The following EPHA3 variants were observed in gnomAD, a reference collection of about 807,000 sequenced individuals.
EPHA3 encodes EPH receptor A3, also known as ephrin type-A receptor 3.
EPHA3 carries 42 observed loss-of-function variants against 107.1 expected under a neutral mutation model. The ratio of observed to expected loss-of-function variants is 0.39; its 90% CI spans 0.31 to 0.51. The LOEUF (loss-of-function observed/expected upper bound fraction) is 0.51, where lower values mean the gene tolerates loss of function less well. EPHA3 is among the 20% of genes least tolerant of loss of function. The probability of loss-of-function intolerance (pLI) is 0.78; values close to 1 mark genes in which losing one functional copy is unlikely to be tolerated. For synonymous variants in EPHA3, 461 were observed against 424.8 expected (o/e 1.09, Z -1.05); for missense variants, 1,183 against 1,211.2 (o/e 0.98, Z 0.35).
At chr3:89,264,445 C>G (rs1308581665) in intron 3 of EPHA3, among the ~76,000 whole-genome samples, 1 of 152,096 alleles carries the variant, frequency 6.6e-6, no homozygotes, top group Non-Finnish European at 1.5e-5. Flanking sequence ...TCTTCCCCAC[C>G]AACTCCTACC....
At chr3:89,459,746 C>T (rs1166969571) in intron 15 of EPHA3, among the ~76,000 whole-genome samples, 2 of 152,162 alleles carry the variant, frequency 1.3e-5, no homozygotes, top group Non-Finnish European at 2.9e-5. Flanking sequence ...TGGTCTCGAA[C>T]TCCTGACCTC....
chr3:89,108,675 A>C (rs979035277), intron 1 of EPHA3, among the ~76,000 whole-genome samples: 1 of 152,176 alleles, frequency 6.6e-6, no homozygotes, highest in African/African-American at 2.4e-5. Context: ...AGTGGGTTAA[A>C]GTGCAAACCT....
chr3:89,309,088 T>A (rs1289463582), intron 3 of EPHA3, among the ~76,000 whole-genome samples: 3 of 152,098 alleles, frequency 2.0e-5, no homozygotes, highest in Non-Finnish European at 4.4e-5. Flanking sequence ...AAGTATCAAA[T>A]GTTGCACAGC....
chr3:89,314,940 T>A (rs1161364251), intron 3 of EPHA3, among the ~76,000 whole-genome samples: 1 of 151,928 alleles, frequency 6.6e-6, no homozygotes, highest in Non-Finnish European at 1.5e-5. Context: ...GCTTACCACA[T>A]ACTTTGGCTT....
chr3:89,378,874 A>G (rs1342073721), intron 5 of EPHA3, among the ~76,000 whole-genome samples: 1 of 152,190 alleles, frequency 6.6e-6, no homozygotes, highest in African/African-American at 2.4e-5. Context: ...CAATCAGTTA[A>G]TCAGTTCTCA....
At chr3:89,425,694 T>A (rs1418543218) in intron 11 of EPHA3, among the ~76,000 whole-genome samples, 1 of 151,558 alleles carries the variant, frequency 6.6e-6, no homozygotes, top group African/African-American at 2.4e-5. Context: ...TCAAAGAAAA[T>A]ATCTTTATGA....
intron 11 of EPHA3, among the ~76,000 whole-genome samples, chr3:89,419,919 A>T (rs1391281090): frequency 6.6e-6 from 1 of 151,338 alleles, no homozygotes; most frequent in East Asian, 1.9e-4. Context: ...TTCTCTGTGG[A>T]TTTTAAATAG....
At chr3:89,193,896 C>A (rs1465816334) in intron 2 of EPHA3, among the ~76,000 whole-genome samples, 2 of 151,892 alleles carry the variant, frequency 1.3e-5, no homozygotes, top group Non-Finnish European at 2.9e-5. Flanking sequence ...TATAAATGTT[C>A]CTTCATCTCT....
At chr3:89,149,692 T>A (rs930197999) in intron 2 of EPHA3, among the ~76,000 whole-genome samples, 14 of 145,684 alleles carry the variant, frequency 9.6e-5, no homozygotes, top group Non-Finnish European at 2.1e-4. Flanking sequence ...GTCCATGTGT[T>A]CTCATTGTTC....
intron 1 of EPHA3, among the ~76,000 whole-genome samples, chr3:89,125,764 T>C (rs1037806046): frequency 6.6e-6 from 1 of 151,694 alleles, no homozygotes; most frequent in Non-Finnish European, 1.5e-5. Flanking sequence ...TTCTTTTAAA[T>C]TGTAGTGATC....
chr3:89,183,633 CTA>C (rs1705494016), intron 2 of EPHA3, among the ~76,000 whole-genome samples: 1 of 151,532 alleles, frequency 6.6e-6, no homozygotes, highest in African/African-American at 2.4e-5. Context: ...AATAAAGAAA[CTA>C]TTTTTTAATG....
chr3:89,481,814 A>C lies in EPHA3; in HGVS notation c.*2312A>C, dbSNP rs1478056889. 4.3e-6 allele frequency: 1 copy of C among 231,792 alleles called. No homozygotes were observed. The highest frequency in any genetic ancestry group is 6.1e-5 in the East Asian group (1 of 16,320). The allele number at this position is 231,792 out of a possible 1,614,324, so 14.4% of individuals were successfully genotyped here. ...GGCCATCTCTTTGTACAGGAACTGC[A>C]TTGACTTTCAGTAAACATAAAGCCA... On this transcript the variant is annotated 3_prime_UTR_variant, in exon 17 of 17. Transcript: ENST00000336596.
chr3:89,204,196 T>C (rs1706044477), intron 2 of EPHA3, among the ~76,000 whole-genome samples: 1 of 152,194 alleles, frequency 6.6e-6, no homozygotes, highest in Admixed American at 6.5e-5. Flanking sequence ...TTCAGTATAC[T>C]GTGCCAAACT....
intron 5 of EPHA3, among the ~76,000 whole-genome samples, chr3:89,393,612 C>T (rs894413871): frequency 1.1e-4 from 16 of 152,160 alleles, no homozygotes; most frequent in African/African-American, 3.9e-4. Context: ...CTCTTGAAAC[C>T]AACATTAAAT....
intron 2 of EPHA3, among the ~76,000 whole-genome samples, chr3:89,165,754 C>T (rs766882730): frequency 4.6e-5 from 7 of 152,184 alleles, no homozygotes; most frequent in Non-Finnish European, 1.5e-5. Context: ...AAAATCCTGA[C>T]TCCTTTCCAA....
intron 5 of EPHA3, among the ~76,000 whole-genome samples, chr3:89,368,645 T>C (rs186955108): frequency 5.3e-5 from 8 of 150,268 alleles, no homozygotes; most frequent in Non-Finnish European, 1.5e-5. Context: ...AAAGATAGAT[T>C]TCCCAGCTCA....
At chr3:89,175,240 T>C (rs1400703177) in intron 2 of EPHA3, among the ~76,000 whole-genome samples, 1 of 152,048 alleles carries the variant, frequency 6.6e-6, no homozygotes, top group Non-Finnish European at 1.5e-5. Flanking sequence ...ACTTGATAAT[T>C]TACAGTGTGG....
chr3:89,185,805 G>A (rs1480509842), intron 2 of EPHA3, among the ~76,000 whole-genome samples: 1 of 151,934 alleles, frequency 6.6e-6, no homozygotes, highest in Non-Finnish European at 1.5e-5. Flanking sequence ...TATACCCAGG[G>A]GTGTGGTCAT....
intron 5 of EPHA3, among the ~76,000 whole-genome samples, chr3:89,390,784 C>G (rs1409208672): frequency 2.9e-5 from 3 of 105,236 alleles, no homozygotes; most frequent in African/African-American, 1.5e-4. Flanking sequence ...AATTGAAAAG[C>G]ATTTTTTTTT....
Sources: allele counts gnomAD v4.1 joint callset (sites outside exome capture counted in the v4.1 genomes callset), GRCh38; gene constraint gnomAD v4.1.1; transcripts MANE v1.5; gene names NCBI Gene and HGNC (gene_info 2026-07-23, HGNC 2026-07-21).